The following KCNG3 variants were observed in gnomAD, a reference collection of about 807,000 sequenced individuals.
KCNG3 encodes potassium voltage-gated channel modifier subfamily G member 3.
KCNG3 carries 15 observed loss-of-function variants against 29.0 expected under a neutral mutation model. The ratio of observed to expected loss-of-function variants is 0.52; its 90% CI spans 0.35 to 0.80. The LOEUF is 0.80. Among genes scored for constraint, KCNG3 ranks in the 30% least tolerant of loss-of-function variants. KCNG3 has a pLI of 0.01. For synonymous variants in KCNG3, 322 were observed against 248.9 expected (o/e 1.29, Z -2.76); for missense variants, 512 against 605.7 (o/e 0.85, Z 1.62).
At chr2:42,446,989 CAGG>C (rs1672612979) in intron 1 of KCNG3, among the ~76,000 whole-genome samples, 1 of 150,988 alleles carries the variant, frequency 6.6e-6, no homozygotes, top group Admixed American at 6.6e-5. Flanking sequence ...AAAAATGAGG[CAGG>C]AGGATTGCTT....
Position 42,482,636 on chromosome 2 carries a change from C to T in KCNG3, c.665+10201G>A, listed in dbSNP as rs144323505. On this transcript the variant is annotated intron_variant, in intron 1 of 1. Coordinates refer to ENST00000306078, the MANE Select transcript of KCNG3 (RefSeq NM_133329.6). ...CCCAGCTACTCAGGGGGCTGAGGCA[C>T]AAGAATCGCTTGAACCCGGGAGGCT... Among the ~76,000 whole-genome samples, 458 of 152,164 alleles carry T rather than the reference C, an allele frequency of 3.0e-3. 1 individual carries two copies. Among genetic ancestry groups the T allele is most frequent in the African/African-American group, 0.01 (435 of 41,528 alleles).
At chr2:42,487,020 G>A (rs1024240832) in intron 1 of KCNG3, among the ~76,000 whole-genome samples, 1 of 151,768 alleles carries the variant, frequency 6.6e-6, no homozygotes, top group Non-Finnish European at 1.5e-5. Flanking sequence ...AGCCGGGCAT[G>A]GTGGCGGATA....
chr2:42,413,233 G>A, the KCNG3 span, among the ~76,000 whole-genome samples: 1 of 152,124 alleles, frequency 6.6e-6, no homozygotes, highest in South Asian at 2.1e-4. Flanking sequence ...TCAAACTCCT[G>A]GGCTCAAGCA....
At chr2:42,469,356 G>C (rs968315820) in intron 1 of KCNG3, among the ~76,000 whole-genome samples, 2 of 150,418 alleles carry the variant, frequency 1.3e-5, no homozygotes, top group Non-Finnish European at 2.9e-5. Flanking sequence ...GGCGGAGGTT[G>C]CAGAGAGCCA....
At position 42,458,018 on chromosome 2, in the gene KCNG3, C is replaced by G. The variant is rs1672922369; in HGVS notation, c.666-13439G>C. Among the ~76,000 whole-genome samples the G allele has an allele frequency of 2.0e-5, 3 of 152,072 alleles. No homozygotes were observed. The South Asian group carries it at 6.2e-4, about 32-fold the overall frequency. On this transcript the variant is annotated intron_variant, in intron 1 of 1. Coordinates refer to ENST00000306078, the MANE Select transcript of KCNG3 (RefSeq NM_133329.6). ...ATATGTACTCACTGACTAAGTCATA[C>G]CTTGAATCACGCCTGGGATTCATGG...
At chr2:42,451,711 G>T (rs1007008811) in intron 1 of KCNG3, among the ~76,000 whole-genome samples, 2 of 152,054 alleles carry the variant, frequency 1.3e-5, no homozygotes, top group African/African-American at 4.8e-5. Flanking sequence ...GGGCGACAGA[G>T]CAAGACTTTG....
At chr2:42,439,832 G>A (rs1243174882), downstream of KCNG3, among the ~76,000 whole-genome samples, 1 of 146,528 alleles carries the variant, frequency 6.8e-6, no homozygotes, top group Non-Finnish European at 1.5e-5. Flanking sequence ...CAGTAGAGAT[G>A]GGTTTTCACC....
the KCNG3 span, among the ~76,000 whole-genome samples, chr2:42,390,282 AG>A: frequency 6.6e-6 from 1 of 152,188 alleles, no homozygotes; most frequent in Non-Finnish European, 1.5e-5. Flanking sequence ...CAAAGCTCTA[AG>A]AAAAAAAATG....
At chr2:42,414,578 G>T in the KCNG3 span, among the ~76,000 whole-genome samples, 2 of 149,100 alleles carry the variant, frequency 1.3e-5, 1 homozygote, top group East Asian at 3.9e-4. Context: ...TATTTGTGCA[G>T]TCTGTCTCAG....
At chr2:42,424,692 G>A in the KCNG3 span, 1 of 152,160 alleles carries the variant, frequency 6.6e-6, no homozygotes, top group Non-Finnish European at 1.5e-5. Context: ...TAGCACATAA[G>A]TGTTACCTGA....
intron 1 of KCNG3, among the ~76,000 whole-genome samples, chr2:42,472,844 A>G (rs1330426493): frequency 6.8e-6 from 1 of 147,612 alleles, no homozygotes; most frequent in Non-Finnish European, 1.5e-5. Flanking sequence ...ATAGATATCT[A>G]TGTAAATATA....
the KCNG3 span, among the ~76,000 whole-genome samples, chr2:42,429,810 C>T: frequency 6.6e-6 from 1 of 152,110 alleles, no homozygotes; most frequent in African/African-American, 2.4e-5. Context: ...AACCAGTGGA[C>T]CTCGAGTAGA....
At chr2:42,424,874 G>C in the KCNG3 span, 1 of 152,354 alleles carries the variant, frequency 6.6e-6, no homozygotes, top group East Asian at 1.9e-4. Context: ...AGAGACGCCA[G>C]AGGGAAATGC....
At chr2:42,434,993 A>C in the KCNG3 span, among the ~76,000 whole-genome samples, 5 of 152,202 alleles carry the variant, frequency 3.3e-5, no homozygotes, top group African/African-American at 1.2e-4. Context: ...ACAGGCATTA[A>C]CACTATAAAA....
intron 1 of KCNG3, among the ~76,000 whole-genome samples, chr2:42,476,550 G>A (rs766256095): frequency 2.0e-5 from 3 of 151,876 alleles, no homozygotes; most frequent in Non-Finnish European, 4.4e-5. Context: ...GCAGTGGCAC[G>A]ATCTCAGCTC....
the KCNG3 span, among the ~76,000 whole-genome samples, chr2:42,417,171 C>T: frequency 6.6e-6 from 1 of 152,114 alleles, no homozygotes; most frequent in African/African-American, 2.4e-5. Context: ...TGAACCTGGG[C>T]AGTGGAGGTT....
chr2:42,462,193 G>C (rs901168673), intron 1 of KCNG3, among the ~76,000 whole-genome samples: 6 of 152,148 alleles, frequency 3.9e-5, no homozygotes, highest in Non-Finnish European at 5.9e-5. Flanking sequence ...CCAGCTTATA[G>C]CTGGAGCTCC....
the KCNG3 span, among the ~76,000 whole-genome samples, chr2:42,416,810 C>A: frequency 6.7e-6 from 1 of 149,196 alleles, no homozygotes; most frequent in Non-Finnish European, 1.5e-5. Flanking sequence ...AGAGTGAGTC[C>A]CCTGTCTCAA....
intron 1 of KCNG3, among the ~76,000 whole-genome samples, chr2:42,445,052 A>G (rs1032315601): frequency 4.0e-5 from 6 of 148,296 alleles, no homozygotes; most frequent in Admixed American, 2.1e-4. Context: ...GGATGACAGA[A>G]AGAGACCCTG....
Sources: gnomAD v4.1 joint callset for allele counts (sites outside exome capture counted in the v4.1 genomes callset) on GRCh38, gnomAD v4.1.1 for gene constraint, MANE v1.5 for transcripts, NCBI Gene and HGNC (gene_info 2026-07-23, HGNC 2026-07-21) for gene names.